Variants in PCDHA2 observed in about 807,000 individuals in gnomAD.
The protein encoded by PCDHA2 is protocadherin alpha-2.
In PCDHA2, 58 loss-of-function variants were observed where a neutral mutation model predicts 66.0. That is an observed-to-expected ratio of 0.88 (90% CI 0.71 to 1.09). PCDHA2 has a LOEUF of 1.09. PCDHA2 is among the 50% of genes least tolerant of loss of function. The pLI, the probability that PCDHA2 is intolerant of heterozygous loss-of-function variation, is 0.00. For synonymous variants in PCDHA2, 634 were observed against 554.0 expected (o/e 1.14, Z -2.03); for missense variants, 1,267 against 1,242.3 (o/e 1.02, Z -0.30).
At chr5:140,830,146 C>G (rs2150181875) in intron 1 of PCDHA2, 1 of 1,613,128 alleles carries the variant, frequency 6.2e-7, no homozygotes, top group Non-Finnish European at 8.5e-7. Flanking sequence ...CGTCGGTGGG[C>G]GCCGCGGGCC....
chr5:140,946,611 A>AATATATAGATATATATATATAT (rs2093974557), intron 1 of PCDHA2, among the ~76,000 whole-genome samples: 1 of 86,814 alleles, frequency 1.2e-5, no homozygotes, highest in Non-Finnish European at 2.1e-5. Context: ...GAAAATGTGA[A>AATATATAGATATATATATATAT]ATATATATAT....
chr5:140,852,108 G>A, intron 1 of PCDHA2: 1 of 906,254 alleles, frequency 1.1e-6, no homozygotes, highest in Non-Finnish European at 1.3e-6. Context: ...TATTTTACAA[G>A]GTATGACCTA....
intron 1 of PCDHA2, chr5:140,871,144 A>T (rs1554165205): frequency 6.2e-7 from 1 of 1,613,222 alleles, no homozygotes; most frequent in African/African-American, 1.3e-5. Context: ...CTCTTCCCGG[A>T]CTTTGGCGGG....
At chr5:140,851,471 A>G in intron 1 of PCDHA2, 5 of 893,550 alleles carry the variant, frequency 5.6e-6, no homozygotes, top group Non-Finnish European at 6.8e-6. Context: ...ATGTCAATAA[A>G]TGTTATAAAC....
In PCDHA2 at chr5:140,883,981, C is replaced by T. The variant is rs781859248; in HGVS notation, c.2388+86629C>T. 9.3e-6 allele frequency: 15 copies of T among 1,612,896 alleles called. No homozygotes were observed. In the South Asian group the frequency reaches 1.5e-4, roughly 17 times the overall value. ...CGGCGCTGCTGACGCCCGGGGCTGG[C>T]AGCGCGGGAGGCACAGTGAGCGAGC... On this transcript the variant is annotated intron_variant, in intron 1 of 3. Coordinates refer to ENST00000526136, the MANE Select transcript of PCDHA2 (RefSeq NM_018905.3).
chr5:140,921,693 C>A (rs115825687), intron 1 of PCDHA2, among the ~76,000 whole-genome samples: 103 of 152,244 alleles, frequency 6.8e-4, no homozygotes, highest in African/African-American at 2.4e-3. Flanking sequence ...CTGGCCACCT[C>A]AATTTTAAAC....
intron 1 of PCDHA2, among the ~76,000 whole-genome samples, chr5:140,962,957 C>T (rs915413264): frequency 1.3e-5 from 2 of 152,014 alleles, no homozygotes; most frequent in Non-Finnish European, 2.9e-5. Flanking sequence ...ATGCTCTATC[C>T]CTATATAGGA....
Position 140,808,284 on chromosome 5 carries a change from G to A in PCDHA2, c.2388+10932G>A, listed in dbSNP as rs138396244. On this transcript the variant is annotated intron_variant, in intron 1 of 3. Coordinates refer to ENST00000526136, the MANE Select transcript of PCDHA2 (RefSeq NM_018905.3). ...CCAATTAGAGAGGACGCTCCACTGG[G>A]TACAGTCATCGCCCTGATCAGCGTG... 3.1e-6 allele frequency: 5 copies of A among 1,614,138 alleles called. No individual in the cohort carries two copies. The African/African-American group carries it at 6.7e-5, about 22-fold the overall frequency.
rs549755742 is a variant in PCDHA2 at position 140,943,684 on chromosome 5, T to C, written c.2389-35265T>C. ...ATGTATAAAGTGTGAAAAAAAGGGA[T>C]AAGGTCAAAATATTGTGGAACACAT... On this transcript the variant is annotated intron_variant, in intron 1 of 3. Transcript: ENST00000526136. Among the ~76,000 whole-genome samples, 254 of 152,102 alleles carry C rather than the reference T, an allele frequency of 1.7e-3. 2 individuals carry two copies. The highest frequency in any genetic ancestry group is 2.9e-4 in the Non-Finnish European group (20 of 67,984).
intron 1 of PCDHA2, 60 bp downstream of exon 1, chr5:140,797,412 G>T: frequency 6.6e-7 from 1 of 1,511,554 alleles, no homozygotes; most frequent in South Asian, 1.2e-5. Context: ...AATTCTATAT[G>T]ATTTCTACTA....
intron 1 of PCDHA2, chr5:140,929,180 G>C (rs782260576): frequency 2.7e-5 from 44 of 1,614,150 alleles, no homozygotes; most frequent in Non-Finnish European, 3.7e-5. Flanking sequence ...CTGGGACTTG[G>C]TTCTGATAAT....
chr5:140,868,952 C>A, intron 1 of PCDHA2: 7 of 1,342,044 alleles, frequency 5.2e-6, no homozygotes, highest in Non-Finnish European at 7.0e-6. Context: ...CAGTGAGGCA[C>A]TCCCATACAA....
intron 1 of PCDHA2, chr5:140,967,277 A>G: frequency 6.2e-7 from 1 of 1,613,326 alleles, no homozygotes; most frequent in African/African-American, 1.3e-5. Context: ...TCACATAGAG[A>G]GTGCGCAGGA....
chr5:140,957,614 T>C (rs1208546101), intron 1 of PCDHA2, among the ~76,000 whole-genome samples: 6 of 152,134 alleles, frequency 3.9e-5, no homozygotes, highest in African/African-American at 1.4e-4. Flanking sequence ...CACAGACATA[T>C]ACATGCACAC....
At chr5:140,882,087 C>A in intron 1 of PCDHA2, 2 of 1,081,718 alleles carry the variant, frequency 1.8e-6, no homozygotes, top group Non-Finnish European at 2.6e-6. Flanking sequence ...TCGCTCTTCA[C>A]TGAGAACGTT....
intron 1 of PCDHA2, among the ~76,000 whole-genome samples, chr5:140,906,693 G>A (rs887867103): frequency 6.6e-6 from 1 of 152,082 alleles, no homozygotes; most frequent in African/African-American, 2.4e-5. Context: ...GAAGGATCTG[G>A]GCCATTTGTA....
At position 140,842,875 on chromosome 5, in the gene PCDHA2, C is replaced by T. The variant is rs2150347019; in HGVS notation, c.2388+45523C>T. ...TGCACACGGAGAGCGGCAAGGTGTA[C>T]GCGCTGCAGCCGCTGGACCACGAGG... is the stretch of plus-strand genomic sequence containing the variant. On this transcript the variant is annotated intron_variant, in intron 1 of 3. Transcript: ENST00000526136. 2.5e-6 allele frequency: 4 copies of T among 1,593,864 alleles called. No homozygotes were observed. In the African/African-American group the frequency reaches 4.0e-5, roughly 16 times the overall value.
intron 1 of PCDHA2, chr5:140,829,069 C>T: frequency 6.2e-7 from 1 of 1,612,166 alleles, no homozygotes; most frequent in Non-Finnish European, 8.5e-7. Context: ...CGGACAAAGG[C>T]CATCCTCCCA....
chr5:140,801,770 C>T (rs1554121681), intron 1 of PCDHA2: 2 of 1,613,886 alleles, frequency 1.2e-6, no homozygotes, highest in Admixed American at 1.7e-5. Flanking sequence ...AAATTAAATC[C>T]CTTGGACTCG....
Sources: gnomAD v4.1 joint callset for allele counts (sites outside exome capture counted in the v4.1 genomes callset) on GRCh38, gnomAD v4.1.1 for gene constraint, MANE v1.5 for transcripts, NCBI Gene and HGNC (gene_info 2026-07-23, HGNC 2026-07-21) for gene names.